SPTBN2: variants seen among roughly 807,000 people sequenced by gnomAD.
SPTBN2 encodes the protein spectrin beta chain, non-erythrocytic 2.
A neutral mutation model predicts 284.2 loss-of-function variants in SPTBN2; 107 were observed. That is an observed-to-expected ratio of 0.38 (90% confidence interval 0.32 to 0.44). The LOEUF is 0.44. Among genes scored for constraint, SPTBN2 ranks in the 20% least tolerant of loss-of-function variants. The pLI, the probability that SPTBN2 is intolerant of heterozygous loss-of-function variation, is 1.00. For missense variants in SPTBN2, 2,569 were observed against 3,287.1 expected, an observed-to-expected ratio of 0.78 and a Z score of 5.34; for synonymous variants, 1,289 against 1,354.8, an observed-to-expected ratio of 0.95 and a Z score of 1.07.
intron 3 of SPTBN2, 119 bp downstream of exon 3, chr11:66,720,965 C>T (rs1283330282): frequency 1.5e-6 from 2 of 1,373,648 alleles, no homozygotes; most frequent in African/African-American, 1.4e-5. Flanking sequence ...TGATAGAGTG[C>T]TCTGGGTCTC....
In SPTBN2 at chr11:66,691,677, G is replaced by C; in HGVS notation, c.5191-19C>G. On this transcript the variant is annotated intron_variant, in intron 26 of 37. Coordinates refer to ENST00000533211, the MANE Select transcript of SPTBN2 (RefSeq NM_006946.4). This position sits in a 1 kb window ranked among gnomAD's most constrained non-coding sequence, Gnocchi z 8.0. ...GGAGCATCTGGTAGAGGAAGCAGAT[G>C]GACAGACCATGCCGTGATGTTAGGG... The C allele has an allele frequency of 3.7e-6, 6 of 1,613,226 alleles. No individual in the cohort carries two copies. The East Asian group carries it at 1.3e-4, about 36-fold the overall frequency.
intron 15 of SPTBN2, 120 bp from the exon 16 acceptor site, chr11:66,701,841 G>A (rs1348149058): frequency 2.1e-6 from 3 of 1,420,336 alleles, no homozygotes; most frequent in Non-Finnish European, 2.9e-6. Context: ...CTTATCTGCA[G>A]GAGTCTCTCT....
At chr11:66,726,994 A>C (rs1334004783) in intron 1 of SPTBN2, among the ~76,000 whole-genome samples, 1 of 152,202 alleles carries the variant, frequency 6.6e-6, no homozygotes, top group East Asian at 1.9e-4. Flanking sequence ...CCTCGGAGGA[A>C]GTTAGGAACT....
In SPTBN2 at chr11:66,704,736, G is replaced by A. The variant is rs1346564219; in HGVS notation, c.2540C>T (p.Ala847Val). 2 of 1,602,330 alleles carry A rather than the reference G, an allele frequency of 1.2e-6. No homozygotes were observed. Among genetic ancestry groups the A allele is most frequent in the African/African-American group, 1.3e-5 (1 of 74,572 alleles). ...GTAGAGCGCCAGGGCTGCCTCCAAG[G>A]CCCGCGCTCGCTCGCCTGCCCGGGC... The part of the protein sequence containing the change: ...LQARAGERAR[A>V]LEAALALYTM... The change falls in exon 15 of 38, where the codon GCC becomes GTC. Residue 847 changes from alanine to valine, a missense_variant. By Grantham distance (64) the Ala-to-Val change is moderately conservative. Transcript: ENST00000533211.
rs1210241988 is a variant in SPTBN2, at chr11:66,718,669, C to T, written c.157+2415G>A. 6.6e-6 allele frequency among the ~76,000 whole-genome samples: 1 copy of T among 152,258 alleles called. No individual in the cohort carries two copies. Among genetic ancestry groups the T allele is most frequent in the African/African-American group, 2.4e-5 (1 of 41,466 alleles). ...CCCAGGGCCCAGAGTCCATGCTCCC[C>T]GCTGGCAGGGGGCCAGTTTCTGTTC... On this transcript the variant is annotated intron_variant, in intron 3 of 37. Transcript: ENST00000533211. This position sits in a 1 kb window ranked among gnomAD's most constrained non-coding sequence, Gnocchi z 4.8.
At chr11:66,697,661 T>C (rs1565124534) in intron 20 of SPTBN2, among the ~76,000 whole-genome samples, 4 of 152,204 alleles carry the variant, frequency 2.6e-5, no homozygotes, top group Non-Finnish European at 5.9e-5. Flanking sequence ...TTGCTGCTTC[T>C]AGAATTTCCA....
chr11:66,716,565 T>C (rs919795060), intron 3 of SPTBN2, among the ~76,000 whole-genome samples: 1 of 151,898 alleles, frequency 6.6e-6, no homozygotes, highest in African/African-American at 2.4e-5. Flanking sequence ...CCATGGGACA[T>C]GCAGGGAGGG....
rs112826691 is a variant in SPTBN2, at chr11:66,709,180, CATTTT to C, written c.1074-166_1074-162del. ...AAATATGGGCTAACCAAAAGAACAT[CATTTT>C]ATTTTATTTTGAGACAGAGTCTTGC... On this transcript the variant is annotated intron_variant, in intron 10 of 37. Coordinates refer to ENST00000533211, the MANE Select transcript of SPTBN2 (RefSeq NM_006946.4). 0.021 allele frequency among the ~76,000 whole-genome samples: 3,193 copies of C among 152,182 alleles called. 126 individuals carry two copies. Among genetic ancestry groups the C allele is most frequent in the East Asian group, 0.14 (722 of 5,170 alleles).
Position 66,700,970 on chromosome 11 carries a change from C to A in SPTBN2, c.3129G>T (p.Val1043=), listed in dbSNP as rs758981787. The A allele has an allele frequency of 1.2e-6, 2 of 1,606,432 alleles. No individual in the cohort carries two copies. Among genetic ancestry groups the A allele is most frequent in the Non-Finnish European group, 1.7e-6 (2 of 1,179,856 alleles). The change falls in exon 17 of 38, where the codon GTG becomes GTT. Residue 1043 remains valine (V), a synonymous_variant. Coordinates refer to ENST00000533211, the MANE Select transcript of SPTBN2 (RefSeq NM_006946.4). The surrounding 1 kb of genome is among the most constrained non-coding windows in gnomAD (Gnocchi z 6.6). The part of the protein sequence containing the change: ...AVAINARLRE[V]QTGWEDLRAT... ...CCCTGAGGTCCTCCCAGCCGGTCTG[C>A]ACCTCTCTCAGCCGGGCGTTGATGG...
At position 66,708,356 on chromosome 11, in the gene SPTBN2, C is replaced by T; in HGVS notation, c.1192-57G>A. The T allele has an allele frequency of 6.7e-7, 1 of 1,485,400 alleles. No homozygotes were observed. Among genetic ancestry groups the T allele is most frequent in the Non-Finnish European group, 9.0e-7 (1 of 1,108,164 alleles). 92.0% of individuals were successfully genotyped at this position (1,485,400 alleles called of 1,614,324 possible). ...ACAGGGTGGGGAGGGCTCAGTGGGG[C>T]TGGAGGCACATGGTAAGTCCCATGG... On this transcript the variant is annotated intron_variant, in intron 11 of 37. Coordinates refer to ENST00000533211, the MANE Select transcript of SPTBN2 (RefSeq NM_006946.4). This position sits in a 1 kb window ranked among gnomAD's most constrained non-coding sequence, Gnocchi z 4.4.
rs1941169446 is a variant in SPTBN2 at position 66,700,350 on chromosome 11, C to G, written c.3573+176G>C. Among the ~76,000 whole-genome samples the G allele has an allele frequency of 6.6e-6, 1 of 152,186 alleles. No homozygotes were observed. Among genetic ancestry groups the G allele is most frequent in the African/African-American group, 2.4e-5 (1 of 41,436 alleles). On this transcript the variant is annotated intron_variant, in intron 17 of 37. Coordinates refer to ENST00000533211, the MANE Select transcript of SPTBN2 (RefSeq NM_006946.4). The surrounding 1 kb of genome is among the most constrained non-coding windows in gnomAD (Gnocchi z 6.6). ...TGTTGCCCAGGTTGGTCTGGATATTCTCAGCCTCAAGTGATCCTCCTACTT... is the reference window on the plus strand; with the variant it reads ...TGTTGCCCAGGTTGGTCTGGATATTGTCAGCCTCAAGTGATCCTCCTACTT...
intron 1 of SPTBN2, among the ~76,000 whole-genome samples, chr11:66,740,497 G>A (rs564005707): frequency 6.6e-6 from 1 of 152,280 alleles, no homozygotes; most frequent in African/African-American, 2.4e-5. Context: ...GAGGTGAGTG[G>A]TGAAGCTGCC....
chr11:66,686,124 C>T lies in SPTBN2; in HGVS notation c.6940-20G>A, dbSNP rs370571080. ...CTCTGCCTGTGGATGGAAAGACCCT[C>T]AATCAGCTTCAAGGACACTGTGCTG... On this transcript the variant is annotated intron_variant, in intron 37 of 37. Coordinates refer to ENST00000533211, the MANE Select transcript of SPTBN2 (RefSeq NM_006946.4). The T allele has an allele frequency of 1.6e-5, 26 of 1,604,692 alleles. No homozygotes were observed. Among genetic ancestry groups the T allele is most frequent in the African/African-American group, 2.7e-5 (2 of 74,656 alleles).
In SPTBN2 at chr11:66,705,145, C is replaced by G; in HGVS notation, c.2131G>C (p.Gly711Arg). Residue 711 changes from glycine to arginine, a missense_variant, in exon 15 of 38, where the codon GGT (glycine) becomes CGT (arginine). By Grantham distance (125) the Gly-to-Arg change is moderately radical. Transcript: ENST00000533211. ...GAGGCCTGGCTTGCCCCAGGGTGAC[C>G]CTCGGCCACCAACTGCTGGCCCTGC... ...LEQGQQLVAE[G>R]HPGASQASAR... is the part of the protein sequence containing the mutation. 6.5e-7 allele frequency: 1 copy of G among 1,537,542 alleles called. No individual in the cohort carries two copies. Among genetic ancestry groups the G allele is most frequent in the Non-Finnish European group, 8.7e-7 (1 of 1,144,048 alleles).
intron 1 of SPTBN2, among the ~76,000 whole-genome samples, chr11:66,736,738 G>A (rs1942853023): frequency 6.6e-6 from 1 of 152,210 alleles, no homozygotes; most frequent in African/African-American, 2.4e-5. Context: ...ACTAGAAACT[G>A]AGTTGTACTA....
At position 66,683,969 on chromosome 11, in the gene SPTBN2, G is replaced by A. The variant is rs1291870222; in HGVS notation, c.*1902C>T. On this transcript the variant is annotated 3_prime_UTR_variant, in exon 38 of 38. Transcript: ENST00000533211. The stretch of plus-strand genomic sequence containing the variant: ...TTGTTCTAGTTACGCGTATCCACCT[G>A]TTGGCTGTGGAACAGTAAATCTACC... Among the ~76,000 whole-genome samples, 1 of 152,238 alleles carries A rather than the reference G, an allele frequency of 6.6e-6. No homozygotes were observed. Among genetic ancestry groups the A allele is most frequent in the Non-Finnish European group, 1.5e-5 (1 of 68,042 alleles).
At chr11:66,729,835 T>G (rs537346039), upstream of SPTBN2, among the ~76,000 whole-genome samples, 1 of 152,190 alleles carries the variant, frequency 6.6e-6, no homozygotes, top group African/African-American at 2.4e-5. Context: ...GGAGTCGTGC[T>G]CTGTCACCCA....
In SPTBN2 at chr11:66,728,814, C is replaced by T. The variant is rs1942734933; in HGVS notation, c.-187G>A. On this transcript the variant is annotated 5_prime_UTR_variant, in exon 1 of 38. Coordinates refer to ENST00000533211, the MANE Select transcript of SPTBN2 (RefSeq NM_006946.4). ...GCGATCCTTCCTCTAATGACACTGC[C>T]GACGAGGTTTCCCGAGATCCAGCCT... The T allele has an allele frequency of 6.6e-6, 1 of 152,112 alleles. No homozygotes were observed. The highest frequency in any genetic ancestry group is 2.1e-4 in the South Asian group (1 of 4,818). The allele number at this position is 152,112 out of a possible 1,614,324, so 9.4% of individuals were successfully genotyped here. A position where few individuals can be genotyped will look rare whatever the true frequency, so the allele number is the denominator to read the frequency against.
chr11:66,720,121 A>T (rs923810518), intron 3 of SPTBN2, among the ~76,000 whole-genome samples: 2 of 152,144 alleles, frequency 1.3e-5, no homozygotes, highest in Admixed American at 6.5e-5. Flanking sequence ...TTTGTAAAAA[A>T]CATCCCTGGG....
Sources: gnomAD v4.1 joint callset for allele counts (sites outside exome capture counted in the v4.1 genomes callset) on GRCh38, gnomAD v4.1.1 for gene constraint, Gnocchi (gnomAD v3.1) non-coding constraint, MANE v1.5 for transcripts, NCBI Gene and HGNC (gene_info 2026-07-23, HGNC 2026-07-21) for gene names.